The following SETD2 variants were observed in gnomAD, a reference collection of about 807,000 sequenced individuals.
The protein encoded by SETD2 is histone-lysine N-methyltransferase SETD2.
In SETD2, 31 loss-of-function variants were observed where a neutral mutation model predicts 242.1. The ratio of observed to expected loss-of-function variants is 0.13; its 90% CI spans 0.10 to 0.17. The LOEUF (loss-of-function observed/expected upper bound fraction) is 0.17, where lower values mean the gene tolerates loss of function less well. Ranked by LOEUF, SETD2 falls within the 10% of genes least tolerant of loss-of-function variation. The pLI, the probability that SETD2 is intolerant of heterozygous loss-of-function variation, is 1.00. For missense variants in SETD2, 2,481 were observed against 3,046.3 expected (o/e 0.81, Z 4.37); for synonymous variants, 1,006 against 1,066.5 (o/e 0.94, Z 1.11).
intron 9 of SETD2, among the ~76,000 whole-genome samples, chr3:47,097,596 A>G (rs1319447516): frequency 6.6e-6 from 1 of 152,236 alleles, no homozygotes; most frequent in Admixed American, 6.5e-5. Context: ...TTTGAAGAAC[A>G]CTCAAAGTTT....
At chr3:47,076,909 GTC>G (rs1329664307) in intron 12 of SETD2, among the ~76,000 whole-genome samples, 2 of 152,188 alleles carry the variant, frequency 1.3e-5, no homozygotes, top group Non-Finnish European at 2.9e-5. Flanking sequence ...GAGTAATGGA[GTC>G]TCTGAGATGT....
intron 1 of SETD2, among the ~76,000 whole-genome samples, chr3:47,137,117 A>T (rs2043605581): frequency 6.6e-6 from 1 of 152,066 alleles, no homozygotes; most frequent in Middle Eastern, 3.4e-3. Flanking sequence ...CTCAAATGTT[A>T]TTTCCTTTGA....
Position 47,120,985 on chromosome 3 carries a change from C to A in SETD2, c.3651G>T (p.Trp1217Cys), listed in dbSNP as rs761799105. 1 of 1,614,164 alleles carries A rather than the reference C, an allele frequency of 6.2e-7. No individual in the cohort carries two copies. The highest frequency in any genetic ancestry group is 2.2e-5 in the East Asian group (1 of 44,890). ...GCCTGTTTTGGAAAGTGGTCTGTTG[C>A]CAAGACTTATTTGGGACATCTTCAA... The part of the protein sequence containing the change: ...SDFEDVPNKS[W>C]QQTTFQNRPD... Residue 1217 changes from tryptophan (W) to cysteine (C), a missense_variant, in exon 3 of 21, where the codon TGG becomes TGT. Physicochemically the swap from Trp to Cys is radical, Grantham distance 215. Around this residue, in one of 17 missense-constraint regions of SETD2, gnomAD observed 1,300 missense variants for 1,259.2 expected, o/e 1.03. Coordinates refer to ENST00000409792, the MANE Select transcript of SETD2 (RefSeq NM_014159.7).
intron 1 of SETD2, among the ~76,000 whole-genome samples, chr3:47,141,035 T>C (rs1260984769): frequency 6.6e-6 from 1 of 151,960 alleles, no homozygotes; most frequent in African/African-American, 2.4e-5. Flanking sequence ...CTCACTGCCC[T>C]CACCCAGGCT....
rs1164762904 is a variant in SETD2 at position 47,163,939 on chromosome 3, G to A, written c.-15C>T. On this transcript the variant is annotated 5_prime_UTR_variant, in exon 1 of 21. Transcript: ENST00000409792. ...AGCTGCTTCATCGGGAGCGGCTGGA[G>A]ACGGCGACGCGAGCCCCCTCCCCGC... 1 of 1,288,370 alleles carries A rather than the reference G, an allele frequency of 7.8e-7. No individual in the cohort carries two copies. Among genetic ancestry groups the A allele is most frequent in the African/African-American group, 1.5e-5 (1 of 65,380 alleles). The allele number at this position is 1,288,370 out of a possible 1,614,324, so 79.8% of individuals were successfully genotyped here.
chr3:47,164,593 C>G (rs1266232839), upstream of SETD2: 2 of 152,464 alleles, frequency 1.3e-5, no homozygotes, highest in African/African-American at 4.8e-5. The surrounding 1 kb of genome is among the most constrained non-coding windows in gnomAD (Gnocchi z 5.4). Context: ...CCTCTGGGCT[C>G]TGAGGTAACG....
chr3:47,056,691 A>T, intron 15 of SETD2, 130 bp downstream of exon 15: 1 of 701,802 alleles, frequency 1.4e-6, no homozygotes, highest in Non-Finnish European at 2.4e-6. Context: ...CACAATAGAT[A>T]ACCAATACAT....
intron 1 of SETD2, among the ~76,000 whole-genome samples, chr3:47,142,572 T>C (rs2043755249): frequency 6.6e-6 from 1 of 151,872 alleles, no homozygotes; most frequent in African/African-American, 2.4e-5. Flanking sequence ...CTCCGGAATG[T>C]ACTGTTAAGG....
chr3:47,027,262 G>A (rs1044105326), intron 18 of SETD2, among the ~76,000 whole-genome samples: 15 of 149,992 alleles, frequency 1.0e-4, no homozygotes, highest in Non-Finnish European at 1.8e-4. Context: ...GGCATGACCC[G>A]AGAGGCGGAG....
intron 5 of SETD2, among the ~76,000 whole-genome samples, chr3:47,106,795 G>A (rs1354355131): frequency 7.1e-6 from 1 of 139,972 alleles, no homozygotes; most frequent in Non-Finnish European, 1.5e-5. Context: ...CTGGGCAAGA[G>A]AGTGAGACTC....
At chr3:47,106,783 G>A (rs974169335) in intron 5 of SETD2, among the ~76,000 whole-genome samples, 7 of 145,654 alleles carry the variant, frequency 4.8e-5, no homozygotes, top group African/African-American at 1.8e-4. Context: ...CTGCACTCCA[G>A]CCTGGGCAAG....
At chr3:47,135,757 C>A (rs1356455801) in intron 1 of SETD2, among the ~76,000 whole-genome samples, 2 of 152,244 alleles carry the variant, frequency 1.3e-5, no homozygotes, top group African/African-American at 2.4e-5. Context: ...CATGACCACT[C>A]TCAATTGACG....
chr3:47,022,403 T>G (rs2107500430), intron 18 of SETD2, among the ~76,000 whole-genome samples: 1 of 150,922 alleles, frequency 6.6e-6, no homozygotes, highest in East Asian at 2.0e-4. Flanking sequence ...CTTGGGAGGT[T>G]GAGGTTGGAG....
At chr3:47,051,930 T>C (rs1217042570) in intron 15 of SETD2, among the ~76,000 whole-genome samples, 1 of 152,176 alleles carries the variant, frequency 6.6e-6, no homozygotes, top group East Asian at 1.9e-4. Context: ...TAGTATTTGA[T>C]TCATATGGAA....
chr3:47,134,242 C>G (rs974794678), intron 1 of SETD2, among the ~76,000 whole-genome samples: 2 of 152,154 alleles, frequency 1.3e-5, no homozygotes, highest in African/African-American at 4.8e-5. Flanking sequence ...GTGGAAGCCT[C>G]TGTTGTGGGG....
At chr3:47,049,306 T>TATAA (rs2039685806) in intron 15 of SETD2, among the ~76,000 whole-genome samples, 2 of 2,402 alleles carry the variant, frequency 8.3e-4, no homozygotes, top group South Asian at 0.012. Context: ...GTTTTCTAAA[T>TATAA]ATATATATAT....
intron 17 of SETD2, among the ~76,000 whole-genome samples, chr3:47,041,973 G>C (rs1417609882): frequency 1.3e-5 from 2 of 152,172 alleles, no homozygotes; most frequent in Non-Finnish European, 2.9e-5. Context: ...TTACAGAAAA[G>C]ATCTGTCTAT....
At chr3:47,038,165 G>T (rs2039108280) in intron 17 of SETD2, among the ~76,000 whole-genome samples, 1 of 152,222 alleles carries the variant, frequency 6.6e-6, no homozygotes, top group Non-Finnish European at 1.5e-5. Context: ...AACAGTGACT[G>T]TACCTAGCAT....
intron 18 of SETD2, among the ~76,000 whole-genome samples, chr3:47,030,619 C>T (rs559578546): frequency 6.6e-6 from 1 of 152,148 alleles, no homozygotes; most frequent in African/African-American, 2.4e-5. Flanking sequence ...CCAAGGTATA[C>T]CACAAACCGC....
Sources: gnomAD v4.1 joint callset for allele counts (sites outside exome capture counted in the v4.1 genomes callset) on GRCh38, gnomAD v4.1.1 for gene constraint, gnomAD v4.1.1 regional missense constraint, Gnocchi (gnomAD v3.1) non-coding constraint, MANE v1.5 for transcripts, NCBI Gene and HGNC (gene_info 2026-07-23, HGNC 2026-07-21) for gene names.